Variants in ORC4 observed in about 807,000 individuals in gnomAD.
The protein encoded by ORC4 is origin recognition complex subunit 4.
ORC4 carries 55 observed loss-of-function variants against 63.9 expected under a neutral mutation model. That is an observed-to-expected ratio of 0.86 (90% CI 0.69 to 1.08). The LOEUF is 1.08. Ranked by LOEUF, ORC4 falls within the 50% of genes least tolerant of loss-of-function variation. ORC4 has a pLI of 0.00. For missense variants in ORC4, 511 were observed against 504.4 expected, an observed-to-expected ratio of 1.01 and a Z score of -0.13; for synonymous variants, 150 against 168.5, an observed-to-expected ratio of 0.89 and a Z score of 0.85.
chr2:148,009,990 CT>C (rs1692850932), intron 1 of ORC4, among the ~76,000 whole-genome samples: 1 of 151,980 alleles, frequency 6.6e-6, no homozygotes, highest in Non-Finnish European at 1.5e-5. Context: ...CAAAACAAGT[CT>C]GATAAAAAGT....
Position 147,943,481 on chromosome 2 carries a change from C to CTTCTG in ORC4, c.799_803dup (p.Lys268AsnfsTer18), listed in dbSNP as rs752800869. 1.2e-6 allele frequency: 2 copies of CTTCTG among 1,600,016 alleles called. No individual in the cohort carries two copies. The highest frequency in any genetic ancestry group is 1.7e-6 in the Non-Finnish European group (2 of 1,169,016). ...GCAGGTTTTTGCTGATATTGAAATG[C>CTTCTG]TTCTGTAGTACTTCTTGCACACTTC... On this transcript the variant is annotated frameshift_variant, in exon 10 of 14. Coordinates refer to ENST00000392857, the MANE Select transcript of ORC4 (RefSeq NM_181741.4). LOFTEE classifies it high-confidence loss of function.
intron 4 of ORC4, among the ~76,000 whole-genome samples, chr2:147,961,970 C>T (rs150802243): frequency 7.9e-5 from 12 of 152,204 alleles, no homozygotes; most frequent in Non-Finnish European, 1.0e-4. Flanking sequence ...TCCTGGTGCT[C>T]GTACTCCCAA....
intron 8 of ORC4, among the ~76,000 whole-genome samples, chr2:147,950,251 C>A (rs1031633282): frequency 1.3e-4 from 20 of 152,066 alleles, no homozygotes; most frequent in African/African-American, 4.6e-4. Context: ...ACAATTCAGA[C>A]CCTAAATTTG....
intron 1 of ORC4, among the ~76,000 whole-genome samples, chr2:148,000,939 G>C (rs957063865): frequency 2.6e-5 from 4 of 152,010 alleles, no homozygotes. Context: ...AAGAGATAAT[G>C]CCTAAAACTG....
At chr2:148,018,202 A>G (rs1395646742) in intron 1 of ORC4, among the ~76,000 whole-genome samples, 3 of 152,268 alleles carry the variant, frequency 2.0e-5, no homozygotes, top group Admixed American at 6.5e-5. Context: ...AATAGCCGGT[A>G]AGTTTTTGAA....
At chr2:147,971,953 A>G (rs1311525020) in intron 4 of ORC4, among the ~76,000 whole-genome samples, 1 of 152,144 alleles carries the variant, frequency 6.6e-6, no homozygotes, top group Non-Finnish European at 1.5e-5. Context: ...TACATTGCTT[A>G]AATGTTAAAA....
intron 1 of ORC4, among the ~76,000 whole-genome samples, chr2:147,986,396 T>G (rs1225068212): frequency 6.6e-6 from 1 of 151,846 alleles, no homozygotes; most frequent in African/African-American, 2.4e-5. Flanking sequence ...ATCAATAAAA[T>G]CTCCTAAACT....
At chr2:147,963,792 G>A (rs1689742714) in intron 4 of ORC4, among the ~76,000 whole-genome samples, 1 of 151,988 alleles carries the variant, frequency 6.6e-6, no homozygotes, top group Admixed American at 6.6e-5. Context: ...CTGTACAACT[G>A]CCACCACAAA....
chr2:147,972,716 C>T, intron 4 of ORC4, 23 bp downstream of exon 4: 3 of 1,446,246 alleles, frequency 2.1e-6, no homozygotes, highest in Non-Finnish European at 1.9e-6. Context: ...TGCCAACAAA[C>T]ACCAGAAATC....
intron 7 of ORC4, among the ~76,000 whole-genome samples, chr2:147,954,782 T>C (rs181443556): frequency 3.6e-4 from 55 of 152,260 alleles, no homozygotes; most frequent in African/African-American, 1.2e-3. Flanking sequence ...TGGGCAAACA[T>C]AAAAATAATA....
rs183040811 is a variant in ORC4, at chr2:148,000,416, A to G, written c.-18+20217T>C. Among the ~76,000 whole-genome samples, 434 of 152,306 alleles carry G rather than the reference A, an allele frequency of 2.8e-3. 4 individuals carry two copies. Among genetic ancestry groups the G allele is most frequent in the South Asian group, 5.8e-3 (28 of 4,828 alleles). ...GGCTTCTAATTTTACAACAGATGCT[A>G]TGAATTCCTTCAAAGCTCTTAAGAA... is the stretch of plus-strand genomic sequence containing the variant. On this transcript the variant is annotated intron_variant, in intron 1 of 13. Transcript: ENST00000392857.
chr2:147,998,954 G>A (rs1251620822), intron 1 of ORC4, among the ~76,000 whole-genome samples: 1 of 152,138 alleles, frequency 6.6e-6, no homozygotes, highest in African/African-American at 2.4e-5. Context: ...GGGAACAGCT[G>A]TCAATTCCAG....
intron 1 of ORC4, among the ~76,000 whole-genome samples, chr2:147,979,396 G>C (rs901799137): frequency 6.6e-6 from 1 of 151,858 alleles, no homozygotes; most frequent in South Asian, 2.1e-4. Context: ...AGAGGTGAAA[G>C]GTCTGTCACT....
intron 7 of ORC4, among the ~76,000 whole-genome samples, chr2:147,955,099 A>G (rs1689171064): frequency 6.6e-6 from 1 of 152,046 alleles, no homozygotes. Flanking sequence ...AAAAAATCAC[A>G]TTTATCTCTA....
chr2:147,950,609 A>G (rs1435557607), intron 8 of ORC4, among the ~76,000 whole-genome samples: 1 of 152,010 alleles, frequency 6.6e-6, no homozygotes, highest in Non-Finnish European at 1.5e-5. Flanking sequence ...TACTAAACAT[A>G]CAAAAATTAG....
chr2:147,972,761 G>A lies in ORC4; in HGVS notation c.203C>T (p.Pro68Leu), dbSNP rs1210439678. The change falls in exon 4 of 14, where the codon CCC becomes CTC. Residue 68 changes from proline to leucine, a missense_variant. Transcript: ENST00000392857. ...GESNSVLIIG[P>L]RGSGKTMLIN... Reference sequence around the variant, plus strand: ...TACCATAGTTTTTCCTGATCCTCGGGGTCCGATAATAAGGACAGAGTTACT... The same window carrying A: ...TACCATAGTTTTTCCTGATCCTCGGAGTCCGATAATAAGGACAGAGTTACT... 1 of 1,608,776 alleles carries A rather than the reference G, an allele frequency of 6.2e-7. No homozygotes were observed.
chr2:147,988,786 A>G (rs1691384297), intron 1 of ORC4, among the ~76,000 whole-genome samples: 1 of 81,286 alleles, frequency 1.2e-5, no homozygotes, highest in African/African-American at 3.8e-5. Flanking sequence ...AATAAAAAAC[A>G]AAAAGCAAAA....
At chr2:148,016,622 C>T (rs113093432) in intron 1 of ORC4, among the ~76,000 whole-genome samples, 3,729 of 152,296 alleles carry the variant, frequency 0.024, 55 homozygotes, top group South Asian at 0.05. Flanking sequence ...AGGGAAAATG[C>T]TTCCACAACC....
intron 1 of ORC4, among the ~76,000 whole-genome samples, chr2:148,012,747 G>T (rs1443954224): frequency 6.6e-6 from 1 of 151,204 alleles, no homozygotes; most frequent in Non-Finnish European, 1.5e-5. Context: ...CGACTCAATA[G>T]GAAAAAAAAA....
Sources: allele counts gnomAD v4.1 joint callset (sites outside exome capture counted in the v4.1 genomes callset), GRCh38; gene constraint gnomAD v4.1.1; transcripts MANE v1.5; gene names NCBI Gene and HGNC (gene_info 2026-07-23, HGNC 2026-07-21).